The following RFX3 variants were observed in gnomAD, a reference collection of about 807,000 sequenced individuals.
RFX3 encodes the protein transcription factor RFX3.
Under a neutral mutation model 98.6 loss-of-function variants are expected in RFX3, and 14 were observed. The ratio of observed to expected loss-of-function variants is 0.14; its 90% CI spans 0.09 to 0.22. The LOEUF is 0.22. Among genes scored for constraint, RFX3 ranks in the 10% least tolerant of loss-of-function variants. The pLI is 1.00. For missense variants in RFX3, 639 were observed against 926.9 expected, an observed-to-expected ratio of 0.69 and a Z score of 4.03; for synonymous variants, 383 against 328.4, an observed-to-expected ratio of 1.17 and a Z score of -1.80.
chr9:3,475,030 T>C (rs1403828942), intron 1 of RFX3, among the ~76,000 whole-genome samples: 1 of 150,104 alleles, frequency 6.7e-6, no homozygotes, highest in African/African-American at 2.5e-5. Context: ...GCCCAGGTGA[T>C]CTAGGCTGCA....
intron 1 of RFX3, among the ~76,000 whole-genome samples, chr9:3,485,592 C>G (rs1338367760): frequency 6.6e-6 from 1 of 152,118 alleles, no homozygotes; most frequent in Non-Finnish European, 1.5e-5. Flanking sequence ...GTACATAATA[C>G]GGAATTTGTA....
intron 5 of RFX3, among the ~76,000 whole-genome samples, chr9:3,298,172 G>T: frequency 6.6e-6 from 1 of 151,640 alleles, no homozygotes; most frequent in East Asian, 1.9e-4. Flanking sequence ...AATACCAGGA[G>T]AAAAACAAAG....
At chr9:3,254,643 T>C (rs1168533972) in intron 14 of RFX3, among the ~76,000 whole-genome samples, 3 of 152,060 alleles carry the variant, frequency 2.0e-5, no homozygotes, top group South Asian at 2.1e-4. Context: ...GTTCACACCA[T>C]TCTCCTACCT....
At chr9:3,427,178 A>T (rs554512190) in intron 1 of RFX3, among the ~76,000 whole-genome samples, 1 of 147,344 alleles carries the variant, frequency 6.8e-6, no homozygotes, top group South Asian at 2.1e-4. Flanking sequence ...TTTCTTTTGC[A>T]CGTGCAGTAA....
chr9:3,314,206 G>C (rs1296741205), intron 4 of RFX3, among the ~76,000 whole-genome samples: 1 of 152,114 alleles, frequency 6.6e-6, no homozygotes, highest in Non-Finnish European at 1.5e-5. Context: ...GAAGACAGTG[G>C]GGGCCAATAT....
intron 14 of RFX3, among the ~76,000 whole-genome samples, chr9:3,253,249 A>C (rs1456166380): frequency 6.6e-6 from 1 of 152,244 alleles, no homozygotes; most frequent in Non-Finnish European, 1.5e-5. Context: ...CACACCCTTC[A>C]GGTGAGAACA....
At chr9:3,484,115 C>G (rs1407248456) in intron 1 of RFX3, among the ~76,000 whole-genome samples, 3 of 152,198 alleles carry the variant, frequency 2.0e-5, no homozygotes, top group Non-Finnish European at 4.4e-5. Flanking sequence ...AAGACCTTTA[C>G]ATAGCTTCAT....
Position 3,366,693 on chromosome 9 carries a change from C to CCTTCCTTTCTTTCTTTCTTT in RFX3, c.118-19930_118-19929insAAAGAAAGAAAGAAAGGAAG, listed in dbSNP as rs1491500921. ...CTTTCTCTTTCTTTCTTCTTTCTTTCCTTTCTTTCTTTCTTTCTTTCTTTC... is the reference window on the plus strand; with the variant it reads ...CTTTCTCTTTCTTTCTTCTTTCTTTCCTTCCTTTCTTTCTTTCTTTCTTTCTTTCTTTCTTTCTTTCTTTC... On this transcript the variant is annotated intron_variant, in intron 2 of 16. Coordinates refer to ENST00000617270, the MANE Select transcript of RFX3 (RefSeq NM_001282116.2). Among the ~76,000 whole-genome samples, 78 of 85,488 alleles carry CCTTCCTTTCTTTCTTTCTTT rather than the reference C, an allele frequency of 9.1e-4. 1 individual carries two copies. The highest frequency in any genetic ancestry group is 4.8e-3 in the Admixed American group (37 of 7,774). The allele number at this position is 85,488 out of a possible 152,430, so 56.1% of individuals were successfully genotyped here.
intron 1 of RFX3, among the ~76,000 whole-genome samples, chr9:3,494,140 A>G (rs1850944281): frequency 1.3e-5 from 2 of 152,186 alleles, no homozygotes; most frequent in African/African-American, 4.8e-5. Context: ...TAATCTTGTT[A>G]GAAGACACTA....
Position 3,222,627 on chromosome 9 carries a change from G to C in RFX3, c.*2415C>G, listed in dbSNP as rs962174258. The C allele has an allele frequency of 6.6e-6, 1 of 152,152 alleles. No homozygotes were observed. Among genetic ancestry groups the C allele is most frequent in the African/African-American group, 2.4e-5 (1 of 41,436 alleles). The allele number at this position is 152,152 out of a possible 1,614,324, so 9.4% of individuals were successfully genotyped here. On this transcript the variant is annotated 3_prime_UTR_variant, in exon 17 of 17. Coordinates refer to ENST00000617270, the MANE Select transcript of RFX3 (RefSeq NM_001282116.2). The stretch of plus-strand genomic sequence containing the variant: ...CAGGAAACTGAAAAAATTCAGAAAG[G>C]AGAGCCAAAATGAAGAGTGTTTTTT...
At chr9:3,470,886 T>C (rs1260287029) in intron 1 of RFX3, among the ~76,000 whole-genome samples, 2 of 152,242 alleles carry the variant, frequency 1.3e-5, no homozygotes, top group African/African-American at 4.8e-5. Flanking sequence ...TCTAACATTC[T>C]ATGAGTAATT....
intron 1 of RFX3, among the ~76,000 whole-genome samples, chr9:3,437,412 AT>A (rs1162409879): frequency 6.6e-6 from 1 of 152,056 alleles, no homozygotes; most frequent in African/African-American, 2.4e-5. Flanking sequence ...CTTCTTTGAA[AT>A]TTTAAGAGCT....
Position 3,368,104 on chromosome 9 carries a change from G to A in RFX3, c.118-21340C>T, listed in dbSNP as rs1004832032. Among the ~76,000 whole-genome samples, 3 of 152,110 alleles carry A rather than the reference G, an allele frequency of 2.0e-5. No individual in the cohort carries two copies. In the East Asian group the frequency reaches 5.8e-4, roughly 29 times the overall value. ...CACTAGCATAAATTGTTCCACTGTT[G>A]ATCTTCTGCCTCTAAGTGAAAATGC... On this transcript the variant is annotated intron_variant, in intron 2 of 16. Coordinates refer to ENST00000617270, the MANE Select transcript of RFX3 (RefSeq NM_001282116.2).
chr9:3,393,671 T>C (rs1229105359), intron 2 of RFX3, among the ~76,000 whole-genome samples: 1 of 151,906 alleles, frequency 6.6e-6, no homozygotes, highest in Non-Finnish European at 1.5e-5. Flanking sequence ...ATGGCATTAA[T>C]AATAACAGAG....
intron 4 of RFX3, among the ~76,000 whole-genome samples, chr9:3,329,407 C>CAAAAAAAAAAAAAAAAAA (rs1202028884): frequency 5.0e-4 from 19 of 38,126 alleles, no homozygotes; most frequent in Non-Finnish European, 6.1e-4. Context: ...GACTTCATCT[C>CAAAAAAAAAAAAAAAAAA]AAAAAAAAAA....
At chr9:3,309,201 T>C (rs1006591639) in intron 4 of RFX3, among the ~76,000 whole-genome samples, 3 of 152,124 alleles carry the variant, frequency 2.0e-5, no homozygotes, top group Admixed American at 2.0e-4. Context: ...GGAACTTCCA[T>C]GATTTCTCAG....
At chr9:3,402,974 G>C (rs1425592511) in intron 1 of RFX3, among the ~76,000 whole-genome samples, 1 of 151,714 alleles carries the variant, frequency 6.6e-6, no homozygotes, top group Non-Finnish European at 1.5e-5. Flanking sequence ...TACAATGATG[G>C]GGCATAGTAG....
At chr9:3,393,661 A>ACTC (rs1840551799) in intron 2 of RFX3, among the ~76,000 whole-genome samples, 2 of 151,818 alleles carry the variant, frequency 1.3e-5, no homozygotes, top group Admixed American at 6.6e-5. Flanking sequence ...AAAATTGGTG[A>ACTC]TGGCATTAAT....
intron 1 of RFX3, among the ~76,000 whole-genome samples, chr9:3,429,030 T>TTC: frequency 6.6e-6 from 1 of 150,962 alleles, no homozygotes; most frequent in East Asian, 1.9e-4. Context: ...TTACTCTTTT[T>TTC]TTTTTTTTTT....
Sources: allele counts gnomAD v4.1 joint callset (sites outside exome capture counted in the v4.1 genomes callset), GRCh38; gene constraint gnomAD v4.1.1; transcripts MANE v1.5; gene names NCBI Gene and HGNC (gene_info 2026-07-23, HGNC 2026-07-21).